The following SORL1 variants were observed in gnomAD, a reference collection of about 807,000 sequenced individuals.
SORL1 encodes the protein sortilin related receptor 1, also known as sortilin-related receptor.
In SORL1, 127 loss-of-function variants were observed where a neutral mutation model predicts 273.7. The ratio of observed to expected loss-of-function variants is 0.46; its 90% CI spans 0.40 to 0.54. SORL1 has a LOEUF of 0.54. Ranked by LOEUF, SORL1 falls within the 20% of genes least tolerant of loss-of-function variation. The pLI is 0.00. For missense variants in SORL1, 2,494 were observed against 2,846.1 expected, an observed-to-expected ratio of 0.88 and a Z score of 2.81; for synonymous variants, 1,031 against 1,067.4, an observed-to-expected ratio of 0.97 and a Z score of 0.66.
intron 14 of SORL1, among the ~76,000 whole-genome samples, chr11:121,546,664 A>G (rs1862431178): frequency 6.6e-6 from 1 of 152,224 alleles, no homozygotes; most frequent in South Asian, 2.1e-4. Flanking sequence ...TTTGTAGGCC[A>G]TATGGTTTCT....
chr11:121,582,474 A>G (rs892503559), intron 25 of SORL1, among the ~76,000 whole-genome samples: 1 of 152,276 alleles, frequency 6.6e-6, no homozygotes, highest in South Asian at 2.1e-4. Context: ...AGCAATGAAC[A>G]GACACAAACA....
Position 121,563,357 on chromosome 11 carries a change from A to G in SORL1, c.3050-3583A>G, listed in dbSNP as rs1436113243. On this transcript the variant is annotated intron_variant, in intron 21 of 47. Transcript: ENST00000260197. The surrounding 1 kb of genome is among the most constrained non-coding windows in gnomAD (Gnocchi z 4.2). ...TTCAGTTGCAACATTTATCAATTTG[A>G]AATATTTGGTCCTTTATAGCTAGCT... 6.6e-6 allele frequency among the ~76,000 whole-genome samples: 1 copy of G among 152,154 alleles called. No individual in the cohort carries two copies. The highest frequency in any genetic ancestry group is 1.5e-5 in the Non-Finnish European group (1 of 68,034).
intron 25 of SORL1, among the ~76,000 whole-genome samples, chr11:121,577,865 T>G (rs1199089277): frequency 6.6e-6 from 1 of 152,212 alleles, no homozygotes; most frequent in African/African-American, 2.4e-5. Flanking sequence ...TGCTAGGTGC[T>G]ATAAGGTAGG....
intron 11 of SORL1, 47 bp downstream of exon 11, chr11:121,523,036 T>C: frequency 8.1e-7 from 1 of 1,238,992 alleles, no homozygotes. Flanking sequence ...CATTCCCATT[T>C]GTGTGAGAAT....
At chr11:121,561,690 GAAA>G (rs34672730) in intron 21 of SORL1, among the ~76,000 whole-genome samples, 1 of 109,936 alleles carries the variant, frequency 9.1e-6, no homozygotes, top group Non-Finnish European at 1.8e-5. Flanking sequence ...CCCTGTCACC[GAAA>G]AAAAAAAAAA....
In SORL1 at chr11:121,590,277, G is replaced by T. The variant is rs566163974; in HGVS notation, c.4213+103G>T. ...CCTGGCTGATTCCGTGTTTTGGGGG[G>T]CATATTTTTGTGAGAGGAGTGACTC... On this transcript the variant is annotated intron_variant, in intron 30 of 47. Coordinates refer to ENST00000260197, the MANE Select transcript of SORL1 (RefSeq NM_003105.6). 3 of 1,251,522 alleles carry T rather than the reference G, an allele frequency of 2.4e-6. No individual in the cohort carries two copies. The Admixed American group carries it at 7.3e-5, about 30-fold the overall frequency. 77.5% of individuals were successfully genotyped at this position (1,251,522 alleles called of 1,614,324 possible).
intron 3 of SORL1, among the ~76,000 whole-genome samples, chr11:121,480,913 G>A (rs1591556311): frequency 7.7e-6 from 1 of 130,384 alleles, no homozygotes; most frequent in Non-Finnish European, 1.6e-5. Flanking sequence ...CTATAGGCAG[G>A]CTTCATCTCC....
chr11:121,539,627 G>A (rs140854239), intron 12 of SORL1, among the ~76,000 whole-genome samples: 262 of 151,690 alleles, frequency 1.7e-3, no homozygotes, highest in African/African-American at 5.8e-3. Context: ...ATTTTTTTTA[G>A]ACCCAGCTTT....
Position 121,488,014 on chromosome 11 carries a change from A to G in SORL1, c.529-18A>G, listed in dbSNP as rs762237834. 1 of 1,613,512 alleles carries G rather than the reference A, an allele frequency of 6.2e-7. No homozygotes were observed. Among genetic ancestry groups the G allele is most frequent in the Admixed American group, 1.7e-5 (1 of 59,976 alleles). On this transcript the variant is annotated intron_variant, in intron 3 of 47. Coordinates refer to ENST00000260197, the MANE Select transcript of SORL1 (RefSeq NM_003105.6). ...TCTGGACAGGGCCTGCTCTCAACTT[A>G]CCTGTTTTCCCTTGCAGTACATCTT... is the stretch of plus-strand genomic sequence containing the variant.
chr11:121,618,337 G>T lies in SORL1; in HGVS notation c.5605-437G>T, dbSNP rs1370399778. 2.0e-5 allele frequency among the ~76,000 whole-genome samples: 3 copies of T among 152,138 alleles called. 1 individual carries two copies. Among genetic ancestry groups the T allele is most frequent in the Non-Finnish European group, 4.4e-5 (3 of 68,020 alleles). The stretch of plus-strand genomic sequence containing the variant: ...TTCCTGGGGTGTTCGCATCCACTGT[G>T]CAAGCTCCCATGGCTTTCCTTCCCA... On this transcript the variant is annotated intron_variant, in intron 41 of 47. Transcript: ENST00000260197.
At chr11:121,607,154 C>T (rs954250204) in intron 36 of SORL1, 32 bp from the exon 37 acceptor site, 1 of 1,392,568 alleles carries the variant, frequency 7.2e-7, no homozygotes. Flanking sequence ...CTTTGGTTCC[C>T]TTTACTCACA....
intron 32 of SORL1, among the ~76,000 whole-genome samples, chr11:121,600,388 C>A (rs1019804205): frequency 6.6e-6 from 1 of 152,172 alleles, no homozygotes; most frequent in African/African-American, 2.4e-5. Flanking sequence ...TACAGTTCTA[C>A]ACTTACATTA....
In SORL1 at chr11:121,595,540, A is replaced by G; in HGVS notation, c.4370-83A>G. The G allele has an allele frequency of 8.1e-7, 1 of 1,238,630 alleles. No homozygotes were observed. The highest frequency in any genetic ancestry group is 1.5e-5 in the African/African-American group (1 of 66,582). The allele number at this position is 1,238,630 out of a possible 1,614,324, so 76.7% of individuals were successfully genotyped here. A position where few individuals can be genotyped will look rare whatever the true frequency, so the allele number is the denominator to read the frequency against. On this transcript the variant is annotated intron_variant, in intron 31 of 47. Coordinates refer to ENST00000260197, the MANE Select transcript of SORL1 (RefSeq NM_003105.6). The surrounding 1 kb of genome is among the most constrained non-coding windows in gnomAD (Gnocchi z 5.1). ...CCATTGTAATTTCTAAAGCACCGTA[A>G]TCTCCTAGCATATTGATTGGTTGCT...
chr11:121,597,992 C>T (rs1379136649), intron 32 of SORL1, among the ~76,000 whole-genome samples: 1 of 152,076 alleles, frequency 6.6e-6, no homozygotes, highest in Admixed American at 6.5e-5. Flanking sequence ...ATGTATATTC[C>T]AAGGCTCAGA....
At chr11:121,528,980 T>G (rs1191451152) in intron 11 of SORL1, among the ~76,000 whole-genome samples, 1 of 152,222 alleles carries the variant, frequency 6.6e-6, no homozygotes, top group Non-Finnish European at 1.5e-5. Flanking sequence ...GATCTCCTAC[T>G]ATGATTCTGA....
intron 8 of SORL1, among the ~76,000 whole-genome samples, chr11:121,519,057 C>T (rs966760288): frequency 1.3e-5 from 2 of 149,998 alleles, no homozygotes; most frequent in African/African-American, 2.5e-5. Flanking sequence ...AAGCGATTCT[C>T]CTGCCTCAGC....
rs773670872 is a variant in SORL1 at position 121,595,654 on chromosome 11, A to G, written c.4401A>G (p.Gln1467=). 26 of 1,611,342 alleles carry G rather than the reference A, an allele frequency of 1.6e-5. No individual in the cohort carries two copies. The East Asian group carries it at 4.0e-4, about 25-fold the overall frequency. Residue 1467 remains glutamine, a synonymous_variant, in exon 32 of 48, where the codon CAA becomes CAG. Coordinates refer to ENST00000260197, the MANE Select transcript of SORL1 (RefSeq NM_003105.6). The surrounding 1 kb of genome is among the most constrained non-coding windows in gnomAD (Gnocchi z 5.1). The part of the protein sequence containing the change: ...ANVTAASTPT[Q]LGRCDRFEFE... ...TCACTGCTGCCTCCACTCCCACCCA[A>G]CTTGGGCGATGTGACCGATTTGAGT...
In SORL1 at chr11:121,629,029, G is replaced by A. The variant is rs566899590; in HGVS notation, c.6578-467G>A. On this transcript the variant is annotated intron_variant, in intron 47 of 47. Coordinates refer to ENST00000260197, the MANE Select transcript of SORL1 (RefSeq NM_003105.6). ...TTGGTGACACAGGATTATACCGGGC[G>A]TCACAAGGGGACAGCTGTTAGTCTG... 14 of 159,814 alleles carry A rather than the reference G, an allele frequency of 8.8e-5. No individual in the cohort carries two copies. The East Asian group carries it at 1.1e-3, about 13-fold the overall frequency. 9.9% of individuals were successfully genotyped at this position (159,814 alleles called of 1,614,324 possible). A position where few individuals can be genotyped will look rare whatever the true frequency, so the allele number is the denominator to read the frequency against.
intron 20 of SORL1, among the ~76,000 whole-genome samples, chr11:121,559,176 G>A (rs1023292167): frequency 2.0e-5 from 3 of 152,142 alleles, no homozygotes; most frequent in African/African-American, 7.2e-5. Flanking sequence ...GACTTCCGGT[G>A]AGCTCTGCAC....
Sources: gnomAD v4.1 joint callset for allele counts (sites outside exome capture counted in the v4.1 genomes callset) on GRCh38, gnomAD v4.1.1 for gene constraint, Gnocchi (gnomAD v3.1) non-coding constraint, MANE v1.5 for transcripts, NCBI Gene and HGNC (gene_info 2026-07-23, HGNC 2026-07-21) for gene names.